Variants in STAT4 observed in about 807,000 individuals in gnomAD.
The protein encoded by STAT4 is signal transducer and activator of transcription 4.
A neutral mutation model predicts 110.5 loss-of-function variants in STAT4; 42 were observed. That is an observed-to-expected ratio of 0.38 (90% CI 0.30 to 0.49). The LOEUF (loss-of-function observed/expected upper bound fraction) is 0.49, where lower values mean the gene tolerates loss of function less well. Ranked by LOEUF, STAT4 falls within the 20% of genes least tolerant of loss-of-function variation. The probability of loss-of-function intolerance (pLI) is 0.95; values close to 1 mark genes in which losing one functional copy is unlikely to be tolerated. For synonymous variants in STAT4, 284 were observed against 302.2 expected (o/e 0.94, Z 0.63); for missense variants, 632 against 887.9 (o/e 0.71, Z 3.66).
At chr2:191,123,757 A>G (rs529700500) in intron 3 of STAT4, among the ~76,000 whole-genome samples, 3 of 152,130 alleles carry the variant, frequency 2.0e-5, no homozygotes, top group Non-Finnish European at 4.4e-5. Context: ...GTTCATCCTC[A>G]TGTTTGCTTA....
At position 191,142,088 on chromosome 2, in the gene STAT4, A is replaced by C. The variant is rs1335815789; in HGVS notation, c.273+4525T>G. Among the ~76,000 whole-genome samples, 3 of 152,174 alleles carry C rather than the reference A, an allele frequency of 2.0e-5. No homozygotes were observed. The highest frequency in any genetic ancestry group is 2.9e-5 in the Non-Finnish European group (2 of 68,024). On this transcript the variant is annotated intron_variant, in intron 3 of 23. Coordinates refer to ENST00000392320, the MANE Select transcript of STAT4 (RefSeq NM_003151.4). The surrounding 1 kb of genome is among the most constrained non-coding windows in gnomAD (Gnocchi z 4.1). The stretch of plus-strand genomic sequence containing the variant: ...CTACTAGGTATTTATCCAAAGGAAA[A>C]AAAATTAGAATATAAAAGAGATGCC...
intron 3 of STAT4, among the ~76,000 whole-genome samples, chr2:191,130,955 A>AG (rs1699019458): frequency 2.3e-5 from 2 of 87,694 alleles, no homozygotes; most frequent in South Asian, 5.5e-4. Flanking sequence ...TTTATTAAAA[A>AG]AGGATGAAAA....
rs556933168 is a variant in STAT4, at chr2:191,050,187, G to T, written c.1251+4303C>A. 1.1e-4 allele frequency among the ~76,000 whole-genome samples: 17 copies of T among 152,278 alleles called. No individual in the cohort carries two copies. Among genetic ancestry groups the T allele is most frequent in the Admixed American group, 2.0e-4 (3 of 15,298 alleles). On this transcript the variant is annotated intron_variant, in intron 14 of 23. Transcript: ENST00000392320. The surrounding 1 kb of genome is among the most constrained non-coding windows in gnomAD (Gnocchi z 4.3). Reference sequence around the variant, plus strand: ...GCAAACTGGAGAAACTGCAATTCCAGCTTCTCTATTCAAACAGTTTTCACA... The same window carrying T: ...GCAAACTGGAGAAACTGCAATTCCATCTTCTCTATTCAAACAGTTTTCACA...
chr2:191,050,319 T>C lies in STAT4; in HGVS notation c.1251+4171A>G, dbSNP rs1428396537. On this transcript the variant is annotated intron_variant, in intron 14 of 23. Transcript: ENST00000392320. The surrounding 1 kb of genome is among the most constrained non-coding windows in gnomAD (Gnocchi z 4.3). ...CAGGAACAGATTGATGGCCTCAAAG[T>C]CTGGCCACTTTCTAGGTGATGAAAT... Among the ~76,000 whole-genome samples the C allele has an allele frequency of 6.6e-6, 1 of 152,216 alleles. No individual in the cohort carries two copies. Among genetic ancestry groups the C allele is most frequent in the Non-Finnish European group, 1.5e-5 (1 of 68,028 alleles).
intron 3 of STAT4, among the ~76,000 whole-genome samples, chr2:191,123,544 A>T: frequency 6.6e-6 from 1 of 152,222 alleles, no homozygotes; most frequent in East Asian, 1.9e-4. Context: ...ACGTCCCAAT[A>T]AACCCATCAT....
intron 4 of STAT4, among the ~76,000 whole-genome samples, chr2:191,074,159 G>A (rs898042265): frequency 2.0e-5 from 3 of 152,136 alleles, no homozygotes; most frequent in South Asian, 2.1e-4. Flanking sequence ...CAAGCAGAAC[G>A]TCTTAGCTAC....
rs1695885152 is a variant in STAT4 at position 191,031,270 on chromosome 2, A to C, written c.2111+180T>G. The C allele has an allele frequency of 1.1e-6, 1 of 896,388 alleles. No homozygotes were observed. Among genetic ancestry groups the C allele is most frequent in the Non-Finnish European group, 1.7e-6 (1 of 594,894 alleles). 55.5% of individuals were successfully genotyped at this position (896,388 alleles called of 1,614,324 possible). On this transcript the variant is annotated intron_variant, in intron 22 of 23. Transcript: ENST00000392320. The surrounding 1 kb of genome is among the most constrained non-coding windows in gnomAD (Gnocchi z 4.8). ...TGGCATATAAAAGGGGAATTTTATA[A>C]TTTTAGGCACAATAGATTGTGGTAA...
intron 8 of STAT4, among the ~76,000 whole-genome samples, chr2:191,064,379 C>A (rs765935382): frequency 2.9e-4 from 44 of 152,158 alleles, no homozygotes; most frequent in Non-Finnish European, 5.4e-4. Context: ...ACTTATTCCT[C>A]CTGTCTAACT....
At chr2:191,047,735 G>A (rs1696389067) in intron 14 of STAT4, among the ~76,000 whole-genome samples, 1 of 152,124 alleles carries the variant, frequency 6.6e-6, no homozygotes, top group Non-Finnish European at 1.5e-5. Context: ...GCATGATCTT[G>A]GCTCACTGCA....
Position 191,037,449 on chromosome 2 carries a change from C to A in STAT4, c.1435-1150G>T, listed in dbSNP as rs1373527736. 1.3e-5 allele frequency among the ~76,000 whole-genome samples: 2 copies of A among 152,080 alleles called. No individual in the cohort carries two copies. The highest frequency in any genetic ancestry group is 4.8e-5 in the African/African-American group (2 of 41,390). On this transcript the variant is annotated intron_variant, in intron 16 of 23. Coordinates refer to ENST00000392320, the MANE Select transcript of STAT4 (RefSeq NM_003151.4). The surrounding 1 kb of genome is among the most constrained non-coding windows in gnomAD (Gnocchi z 4.8). The stretch of plus-strand genomic sequence containing the variant: ...AACTACAGGTGTGTACCATTGTGCC[C>A]AGCTAAATAAGAGAATATTCTGTGT...
intron 14 of STAT4, among the ~76,000 whole-genome samples, chr2:191,049,918 G>A (rs1342162515): frequency 1.3e-5 from 2 of 152,200 alleles, no homozygotes; most frequent in African/African-American, 4.8e-5. Context: ...TTAGTTCAGC[G>A]AGAAATCAAC....
intron 3 of STAT4, among the ~76,000 whole-genome samples, chr2:191,141,098 G>C (rs999070059): frequency 2.0e-5 from 3 of 151,654 alleles, no homozygotes; most frequent in South Asian, 2.1e-4. Flanking sequence ...GGTTGGGAGC[G>C]GGGGGTGAGG....
Position 191,059,679 on chromosome 2 carries a change from G to A in STAT4, c.1035-910C>T, listed in dbSNP as rs1006529457. ...ACAAATGGAAAACAGAGAATATGGCGATAAGCAGCTCACTGGCATTAGAGA... is the reference window on the plus strand; with the variant it reads ...ACAAATGGAAAACAGAGAATATGGCAATAAGCAGCTCACTGGCATTAGAGA... On this transcript the variant is annotated intron_variant, in intron 10 of 23. Coordinates refer to ENST00000392320, the MANE Select transcript of STAT4 (RefSeq NM_003151.4). This position sits in a 1 kb window ranked among gnomAD's most constrained non-coding sequence, Gnocchi z 4.7. Among the ~76,000 whole-genome samples the A allele has an allele frequency of 2.6e-5, 4 of 152,192 alleles. No homozygotes were observed. The highest frequency in any genetic ancestry group is 6.5e-5 in the Admixed American group (1 of 15,270).
chr2:191,074,255 G>A (rs1410154404), intron 4 of STAT4, among the ~76,000 whole-genome samples: 1 of 152,146 alleles, frequency 6.6e-6, no homozygotes, highest in African/African-American at 2.4e-5. Context: ...TCTTAAGTTG[G>A]GTGGGGAGCC....
chr2:191,035,911 G>C lies in STAT4; in HGVS notation c.1570+253C>G, dbSNP rs1696031329. Reference sequence around the variant, plus strand: ...GGTGCTGCTGTGTACTAGCCATGCAGCCGTGGCAAGTCACTTGACTTCTGC... The same window carrying C: ...GGTGCTGCTGTGTACTAGCCATGCACCCGTGGCAAGTCACTTGACTTCTGC... On this transcript the variant is annotated intron_variant, in intron 17 of 23. Transcript: ENST00000392320. The surrounding 1 kb of genome is among the most constrained non-coding windows in gnomAD (Gnocchi z 4.7). Among the ~76,000 whole-genome samples, 1 of 152,186 alleles carries C rather than the reference G, an allele frequency of 6.6e-6. No individual in the cohort carries two copies. Among genetic ancestry groups the C allele is most frequent in the African/African-American group, 2.4e-5 (1 of 41,442 alleles).
chr2:191,078,873 G>C (rs1697388125), intron 3 of STAT4, among the ~76,000 whole-genome samples: 1 of 152,042 alleles, frequency 6.6e-6, no homozygotes, highest in African/African-American at 2.4e-5. Flanking sequence ...AAATCTTTCT[G>C]TAAGCTGCAG....
In STAT4 at chr2:191,069,781, A is replaced by G; in HGVS notation, c.466-10T>C. On this transcript the variant is annotated splice_polypyrimidine_tract_variant and intron_variant, in intron 5 of 23. Coordinates refer to ENST00000392320, the MANE Select transcript of STAT4 (RefSeq NM_003151.4). Reference sequence around the variant, plus strand: ...TATCTTGTTCTGTCATCTTTTCACAAAAGAAAACATACTCACTCTGCTGTC... The same window carrying G: ...TATCTTGTTCTGTCATCTTTTCACAGAAGAAAACATACTCACTCTGCTGTC... The G allele has an allele frequency of 6.3e-7, 1 of 1,597,154 alleles. No homozygotes were observed. Among genetic ancestry groups the G allele is most frequent in the Non-Finnish European group, 8.5e-7 (1 of 1,170,652 alleles).
chr2:191,117,510 G>T lies in STAT4; in HGVS notation c.273+29103C>A, dbSNP rs1698603830. ...CGATTCTCATCTATCTAAAGTAATT[G>T]CAGCATGTGATTAAGTGTCAGGATG... On this transcript the variant is annotated intron_variant, in intron 3 of 23. Transcript: ENST00000392320. This position sits in a 1 kb window ranked among gnomAD's most constrained non-coding sequence, Gnocchi z 5.2. Among the ~76,000 whole-genome samples the T allele has an allele frequency of 6.6e-6, 1 of 152,088 alleles. No individual in the cohort carries two copies. Among genetic ancestry groups the T allele is most frequent in the African/African-American group, 2.4e-5 (1 of 41,402 alleles).
Position 191,060,633 on chromosome 2 carries a change from G to T in STAT4, c.1034+1096C>A, listed in dbSNP as rs1696823205. Among the ~76,000 whole-genome samples, 1 of 152,128 alleles carries T rather than the reference G, an allele frequency of 6.6e-6. No homozygotes were observed. The highest frequency in any genetic ancestry group is 2.1e-4 in the South Asian group (1 of 4,824). Reference sequence around the variant, plus strand: ...GGGGTATTGCCATGTTGTCCAGGCTGGTCTTGAACTCCTGACCTCAGGTGA... The same window carrying T: ...GGGGTATTGCCATGTTGTCCAGGCTTGTCTTGAACTCCTGACCTCAGGTGA... On this transcript the variant is annotated intron_variant, in intron 10 of 23. Transcript: ENST00000392320. This position sits in a 1 kb window ranked among gnomAD's most constrained non-coding sequence, Gnocchi z 4.5.
Sources: gnomAD v4.1 joint callset for allele counts (sites outside exome capture counted in the v4.1 genomes callset) on GRCh38, gnomAD v4.1.1 for gene constraint, Gnocchi (gnomAD v3.1) non-coding constraint, MANE v1.5 for transcripts, NCBI Gene and HGNC (gene_info 2026-07-23, HGNC 2026-07-21) for gene names.